CAMK1D: variants seen among roughly 807,000 people sequenced by gnomAD.
CAMK1D encodes calcium/calmodulin dependent protein kinase ID.
In CAMK1D, 9 loss-of-function variants were observed where a neutral mutation model predicts 47.7. The observed-to-expected ratio is 0.19, with a 90% CI of 0.11 to 0.33. The LOEUF (loss-of-function observed/expected upper bound fraction) is 0.33. Ranked by LOEUF, CAMK1D falls within the 10% of genes least tolerant of loss-of-function variation. The pLI is 1.00. For synonymous variants in CAMK1D, 184 were observed against 184.9 expected, an observed-to-expected ratio of 0.99 and a Z score of 0.04; for missense variants, 291 against 488.7, an observed-to-expected ratio of 0.60 and a Z score of 3.81.
intron 1 of CAMK1D, among the ~76,000 whole-genome samples, chr10:12,407,033 C>A (rs1839458024): frequency 6.6e-6 from 1 of 152,178 alleles, no homozygotes; most frequent in South Asian, 2.1e-4. Flanking sequence ...CAGACCCCAC[C>A]CCCATGCCAA....
intron 5 of CAMK1D, among the ~76,000 whole-genome samples, chr10:12,778,226 A>T (rs528653777): frequency 6.6e-6 from 1 of 152,332 alleles, no homozygotes; most frequent in Admixed American, 6.5e-5. Flanking sequence ...TGAAGCTATG[A>T]CTTCAATTTA....
Position 12,635,308 on chromosome 10 carries a change from T to C in CAMK1D, c.225-31428T>C, listed in dbSNP as rs143082842. ...TCATTTCCTGGGACTTCCCATCCGC[T>C]TTTCTTGAGAAAGTCACTGCCCTTT... On this transcript the variant is annotated intron_variant, in intron 2 of 10. Coordinates refer to ENST00000619168, the MANE Select transcript of CAMK1D (RefSeq NM_153498.4). 2.5e-3 allele frequency among the ~76,000 whole-genome samples: 383 copies of C among 152,338 alleles called. 2 individuals are homozygous for C. The highest frequency in any genetic ancestry group is 0.017 in the East Asian group (89 of 5,188).
chr10:12,597,402 G>A (rs552948171), intron 2 of CAMK1D, among the ~76,000 whole-genome samples: 1 of 152,248 alleles, frequency 6.6e-6, no homozygotes, highest in South Asian at 2.1e-4. Flanking sequence ...AGTTCTGCCT[G>A]CCCACGGTCA....
At chr10:12,463,995 T>A (rs1833516207) in intron 1 of CAMK1D, among the ~76,000 whole-genome samples, 1 of 152,170 alleles carries the variant, frequency 6.6e-6, no homozygotes, top group Admixed American at 6.5e-5. Context: ...TGATTGTAAG[T>A]TTCCCGAGGC....
intron 1 of CAMK1D, among the ~76,000 whole-genome samples, chr10:12,438,430 C>G (rs773972590): frequency 5.3e-5 from 8 of 152,130 alleles, no homozygotes; most frequent in Non-Finnish European, 7.4e-5. Flanking sequence ...GGTATAATCC[C>G]CCATGACATT....
At chr10:12,380,929 A>G (rs1477909192) in intron 1 of CAMK1D, among the ~76,000 whole-genome samples, 1 of 152,214 alleles carries the variant, frequency 6.6e-6, no homozygotes, top group Non-Finnish European at 1.5e-5. Context: ...TAGTAATGAT[A>G]TAATTGGCCT....
intron 4 of CAMK1D, among the ~76,000 whole-genome samples, chr10:12,766,694 A>G (rs1475948044): frequency 6.6e-6 from 1 of 151,998 alleles, no homozygotes; most frequent in Non-Finnish European, 1.5e-5. Flanking sequence ...TAGCTCCTGT[A>G]TCACCCCAAT....
chr10:12,693,984 TATATAC>T (rs1427846775), intron 3 of CAMK1D, among the ~76,000 whole-genome samples: 2 of 2,022 alleles, frequency 9.9e-4, no homozygotes, highest in South Asian at 0.024. Context: ...ATATATATTA[TATATAC>T]ATATAATATA....
intron 1 of CAMK1D, among the ~76,000 whole-genome samples, chr10:12,435,043 C>T (rs1374034025): frequency 6.6e-6 from 1 of 151,876 alleles, no homozygotes; most frequent in Non-Finnish European, 1.5e-5. Context: ...CATGGTGAAA[C>T]ACTGTCCCTA....
At chr10:12,378,136 G>A (rs1305783348) in intron 1 of CAMK1D, among the ~76,000 whole-genome samples, 1 of 152,236 alleles carries the variant, frequency 6.6e-6, no homozygotes, top group Admixed American at 6.5e-5. Context: ...TCCTGGGCCA[G>A]CCTCATGGGC....
chr10:12,482,450 G>A (rs182914389), intron 1 of CAMK1D, among the ~76,000 whole-genome samples: 30 of 152,242 alleles, frequency 2.0e-4, no homozygotes, highest in Non-Finnish European at 3.8e-4. Flanking sequence ...AAATCTCACC[G>A]GCCACTTTCA....
chr10:12,732,561 G>GA (rs1834936080), intron 3 of CAMK1D, among the ~76,000 whole-genome samples: 1 of 152,076 alleles, frequency 6.6e-6, no homozygotes, highest in South Asian at 2.1e-4. Context: ...AGAAAATGAG[G>GA]AGGAGGCAAA....
At chr10:12,441,096 C>T (rs1005744831) in intron 1 of CAMK1D, among the ~76,000 whole-genome samples, 4 of 152,240 alleles carry the variant, frequency 2.6e-5, no homozygotes, top group African/African-American at 9.6e-5. Context: ...TTTCGTCCTC[C>T]AATCATACGT....
intron 1 of CAMK1D, among the ~76,000 whole-genome samples, chr10:12,396,143 G>T (rs1397384803): frequency 6.6e-6 from 1 of 152,014 alleles, no homozygotes; most frequent in Non-Finnish European, 1.5e-5. Flanking sequence ...CAAAGTGCTG[G>T]GCTTACAGGC....
At chr10:12,662,600 C>T (rs1004346260) in intron 2 of CAMK1D, among the ~76,000 whole-genome samples, 6 of 151,256 alleles carry the variant, frequency 4.0e-5, no homozygotes, top group Non-Finnish European at 7.4e-5. Flanking sequence ...TGCAGTGAGC[C>T]GAGATTGCAC....
At chr10:12,371,392 C>T (rs113404976) in intron 1 of CAMK1D, among the ~76,000 whole-genome samples, 46,311 of 149,848 alleles carry the variant, frequency 0.31, 7,248 homozygotes, top group Middle Eastern at 0.39. Context: ...CTGGCTAACA[C>T]GGTGAAATCC....
At chr10:12,535,893 G>A (rs371063901) in intron 1 of CAMK1D, among the ~76,000 whole-genome samples, 9 of 152,224 alleles carry the variant, frequency 5.9e-5, no homozygotes, top group East Asian at 1.9e-4. Flanking sequence ...TGTGTTATCT[G>A]TGGTAACACC....
In CAMK1D at chr10:12,583,644, C is replaced by T. The variant is rs1328733445; in HGVS notation, c.224+30288C>T. On this transcript the variant is annotated intron_variant, in intron 2 of 10. Coordinates refer to ENST00000619168, the MANE Select transcript of CAMK1D (RefSeq NM_153498.4). ...TTGAGATGGAGTCTCTCTCTGTCACCAGGCTGGAGTGCAGTGGCGCGATCT... is the reference window on the plus strand; with the variant it reads ...TTGAGATGGAGTCTCTCTCTGTCACTAGGCTGGAGTGCAGTGGCGCGATCT... Among the ~76,000 whole-genome samples the T allele has an allele frequency of 2.0e-5, 3 of 151,298 alleles. No homozygotes were observed. The South Asian group carries it at 6.3e-4, about 32-fold the overall frequency.
At chr10:12,416,808 A>T (rs1299894922) in intron 1 of CAMK1D, among the ~76,000 whole-genome samples, 1 of 152,060 alleles carries the variant, frequency 6.6e-6, no homozygotes, top group Non-Finnish European at 1.5e-5. Context: ...AGCTGAGCTT[A>T]CTCCAGGGCT....
Sources: allele counts gnomAD v4.1 joint callset (sites outside exome capture counted in the v4.1 genomes callset), GRCh38; gene constraint gnomAD v4.1.1; transcripts MANE v1.5; gene names NCBI Gene and HGNC (gene_info 2026-07-23, HGNC 2026-07-21).